Variants in SNX9 observed in about 807,000 individuals in gnomAD.
SNX9 encodes sorting nexin 9.
SNX9 carries 44 observed loss-of-function variants against 89.4 expected under a neutral mutation model. That is an observed-to-expected ratio of 0.49 (90% confidence interval 0.39 to 0.63). The LOEUF (loss-of-function observed/expected upper bound fraction) is 0.63. Among genes scored for constraint, SNX9 ranks in the 30% least tolerant of loss-of-function variants. The pLI, the probability that SNX9 is intolerant of heterozygous loss-of-function variation, is 0.00. For missense variants in SNX9, 578 were observed against 736.1 expected (o/e 0.79, Z 2.49); for synonymous variants, 236 against 247.8 (o/e 0.95, Z 0.45).
At position 157,902,022 on chromosome 6, in the gene SNX9, A is replaced by G. The variant is rs1783109754; in HGVS notation, c.597A>G (p.Ser199=). 1 of 1,613,590 alleles carries G rather than the reference A, an allele frequency of 6.2e-7. No individual in the cohort carries two copies. Among genetic ancestry groups the G allele is most frequent in the Non-Finnish European group, 8.5e-7 (1 of 1,179,858 alleles). The change falls in exon 6 of 18, where the codon TCA becomes TCG. Residue 199 remains serine, a synonymous_variant. Coordinates refer to ENST00000392185, the MANE Select transcript of SNX9 (RefSeq NM_016224.5). ...AQRGNSRASS[S]SMKIPLNKFP... ...GAGGAAACAGTCGTGCTAGTTCCTCATCCATGAAAATTCCCCTTAACAAGT... is the reference window on the plus strand; with the variant it reads ...GAGGAAACAGTCGTGCTAGTTCCTCGTCCATGAAAATTCCCCTTAACAAGT...
intron 1 of SNX9, among the ~76,000 whole-genome samples, chr6:157,840,438 C>CTTTCT (rs1562590935): frequency 6.7e-6 from 1 of 149,544 alleles, no homozygotes; most frequent in African/African-American, 2.5e-5. Context: ...CTTTTCTTTC[C>CTTTCT]TTTCTTTCCT....
intron 10 of SNX9, 147 bp downstream of exon 10, chr6:157,921,808 C>T (rs1783589732): frequency 3.1e-6 from 3 of 962,084 alleles, no homozygotes; most frequent in Middle Eastern, 3.1e-4. Context: ...CCTAAATCCC[C>T]ACCATAGGAA....
intron 13 of SNX9, among the ~76,000 whole-genome samples, chr6:157,935,673 A>T (rs761365890): frequency 4.6e-5 from 7 of 152,212 alleles, no homozygotes; most frequent in Non-Finnish European, 8.8e-5. Flanking sequence ...CATAGGTGTC[A>T]TAATGGTACT....
chr6:157,908,813 A>G (rs1783274394), intron 7 of SNX9, among the ~76,000 whole-genome samples: 1 of 152,172 alleles, frequency 6.6e-6, no homozygotes, highest in Admixed American at 6.5e-5. Flanking sequence ...CACCACAACT[A>G]AAACCCCAGT....
intron 5 of SNX9, among the ~76,000 whole-genome samples, chr6:157,898,983 G>C (rs1783037196): frequency 6.6e-6 from 1 of 151,970 alleles, no homozygotes; most frequent in African/African-American, 2.4e-5. Flanking sequence ...TTTGGCATTT[G>C]TCTCTCGGCT....
At chr6:157,900,531 T>C (rs59233831) in intron 5 of SNX9, among the ~76,000 whole-genome samples, 39,296 of 151,978 alleles carry the variant, frequency 0.26, 5,482 homozygotes, top group African/African-American at 0.35. Context: ...GGGGGGTCAC[T>C]GCCTTCTGGT....
At chr6:157,845,260 T>C (rs1353214985) in intron 1 of SNX9, among the ~76,000 whole-genome samples, 2 of 152,000 alleles carry the variant, frequency 1.3e-5, no homozygotes, top group African/African-American at 4.8e-5. Flanking sequence ...AGGCACCCGC[T>C]ACCATGCCCA....
At chr6:157,934,412 A>C (rs1377325268) in intron 13 of SNX9, among the ~76,000 whole-genome samples, 1 of 152,240 alleles carries the variant, frequency 6.6e-6, no homozygotes, top group African/African-American at 2.4e-5. Flanking sequence ...AAACAAATTT[A>C]AATCAAAATG....
chr6:157,844,029 C>G (rs924673743), intron 1 of SNX9, among the ~76,000 whole-genome samples: 9 of 151,868 alleles, frequency 5.9e-5, no homozygotes, highest in African/African-American at 1.9e-4. Context: ...CCCATACCTC[C>G]TCACCTGCCT....
intron 1 of SNX9, among the ~76,000 whole-genome samples, chr6:157,855,732 T>TTTG (rs1280545575): frequency 3.3e-5 from 5 of 152,154 alleles, no homozygotes; most frequent in African/African-American, 4.8e-5. Flanking sequence ...GTCATTGATT[T>TTTG]TTGTTGTTGT....
At chr6:157,876,378 G>A (rs961337557) in intron 4 of SNX9, among the ~76,000 whole-genome samples, 1 of 152,178 alleles carries the variant, frequency 6.6e-6, no homozygotes, top group African/African-American at 2.4e-5. Flanking sequence ...CTTGAACTGG[G>A]AGGCGGCCAC....
At chr6:157,893,204 C>T (rs191649178) in intron 4 of SNX9, among the ~76,000 whole-genome samples, 123 of 152,310 alleles carry the variant, frequency 8.1e-4, no homozygotes, top group African/African-American at 2.9e-3. Flanking sequence ...AGGCCCTCAG[C>T]ATGATTGCCT....
intron 4 of SNX9, among the ~76,000 whole-genome samples, chr6:157,881,315 A>G (rs1391247675): frequency 1.4e-4 from 22 of 151,948 alleles, no homozygotes; most frequent in Non-Finnish European, 1.5e-5. Flanking sequence ...GACATGTTTT[A>G]TGTGTTCCGC....
intron 1 of SNX9, among the ~76,000 whole-genome samples, chr6:157,856,085 C>G (rs1057222695): frequency 6.6e-6 from 1 of 152,100 alleles, no homozygotes; most frequent in African/African-American, 2.4e-5. Context: ...TTGGCTGTTG[C>G]CAGGCGGGTA....
intron 2 of SNX9, among the ~76,000 whole-genome samples, chr6:157,871,624 CT>C (rs1782413802): frequency 6.6e-6 from 1 of 151,930 alleles, no homozygotes; most frequent in Non-Finnish European, 1.5e-5. Context: ...ACATGTATAC[CT>C]ATGTAACAAA....
chr6:157,861,465 C>A (rs1782119611), intron 1 of SNX9, among the ~76,000 whole-genome samples: 1 of 152,168 alleles, frequency 6.6e-6, no homozygotes, highest in Non-Finnish European at 1.5e-5. Context: ...TGACTCCCAG[C>A]AAGAAAAGAT....
At chr6:157,881,431 G>C (rs544657362) in intron 4 of SNX9, among the ~76,000 whole-genome samples, 1 of 152,000 alleles carries the variant, frequency 6.6e-6, no homozygotes, top group Admixed American at 6.6e-5. Flanking sequence ...ACCCTGCAGT[G>C]GCCTCTAAGT....
At chr6:157,881,981 G>A (rs182811227) in intron 4 of SNX9, among the ~76,000 whole-genome samples, 24 of 152,328 alleles carry the variant, frequency 1.6e-4, no homozygotes, top group Non-Finnish European at 2.9e-4. Flanking sequence ...GATTTTCAGA[G>A]CAGATGAAAC....
At chr6:157,926,828 T>G (rs1377259172) in intron 10 of SNX9, among the ~76,000 whole-genome samples, 1 of 151,276 alleles carries the variant, frequency 6.6e-6, no homozygotes, top group Non-Finnish European at 1.5e-5. Context: ...CTGTTTGCTG[T>G]TTTTATATAG....
Sources: gnomAD v4.1 joint callset for allele counts (sites outside exome capture counted in the v4.1 genomes callset) on GRCh38, gnomAD v4.1.1 for gene constraint, MANE v1.5 for transcripts, NCBI Gene and HGNC (gene_info 2026-07-23, HGNC 2026-07-21) for gene names.